CDH12: variants seen among roughly 807,000 people sequenced by gnomAD.
CDH12 encodes the protein cadherin 12, also known as cadherin-12.
CDH12 carries 41 observed loss-of-function variants against 74.1 expected under a neutral mutation model. That is an observed-to-expected ratio of 0.55 (90% CI 0.43 to 0.72). The LOEUF (loss-of-function observed/expected upper bound fraction) is 0.72, where lower values mean the gene tolerates loss of function less well. Among genes scored for constraint, CDH12 ranks in the 30% least tolerant of loss-of-function variants. The probability of loss-of-function intolerance (pLI) is 0.00; values close to 1 mark genes in which losing one functional copy is unlikely to be tolerated. For synonymous variants in CDH12, 399 were observed against 355.0 expected (o/e 1.12, Z -1.39); for missense variants, 945 against 977.2 (o/e 0.97, Z 0.44).
At chr5:21,948,947 AGAAGATGACTGC>A (rs1256029268) in intron 6 of CDH12, among the ~76,000 whole-genome samples, 1 of 151,526 alleles carries the variant, frequency 6.6e-6, no homozygotes, top group Non-Finnish European at 1.5e-5. Context: ...TGTCTTGTGA[AGAAGATGACTGC>A]TTCCCATTTC....
intron 2 of CDH12, among the ~76,000 whole-genome samples, chr5:22,480,451 G>T (rs1746342389): frequency 6.6e-6 from 1 of 151,906 alleles, no homozygotes; most frequent in South Asian, 2.1e-4. Flanking sequence ...AGACATGGTG[G>T]TGCATGCCTG....
At chr5:22,295,357 T>G (rs943307609) in intron 3 of CDH12, among the ~76,000 whole-genome samples, 5 of 152,198 alleles carry the variant, frequency 3.3e-5, no homozygotes, top group South Asian at 2.1e-4. Context: ...ACTTTAGAAT[T>G]GATAAATTTA....
Position 21,865,165 on chromosome 5 carries a change from C to A in CDH12, c.527-10375G>T, listed in dbSNP as rs185281864. 1.5e-3 allele frequency among the ~76,000 whole-genome samples: 235 copies of A among 152,292 alleles called. 1 individual carries two copies. Among genetic ancestry groups the A allele is most frequent in the African/African-American group, 5.3e-3 (221 of 41,576 alleles). Reference sequence around the variant, plus strand: ...CTAAGATACTCAGCAGAAGAAATATCTAAGCACCACAGCATTTAGTGTGCT... The same window carrying A: ...CTAAGATACTCAGCAGAAGAAATATATAAGCACCACAGCATTTAGTGTGCT... On this transcript the variant is annotated intron_variant, in intron 6 of 14. Coordinates refer to ENST00000382254, the MANE Select transcript of CDH12 (RefSeq NM_004061.5).
chr5:22,736,266 C>T (rs1744714513), intron 1 of CDH12, among the ~76,000 whole-genome samples: 1 of 151,646 alleles, frequency 6.6e-6, no homozygotes, highest in Non-Finnish European at 1.5e-5. Context: ...ATAACTTCCT[C>T]CAGTTAGATA....
chr5:22,609,458 C>T (rs1246027630), intron 1 of CDH12, among the ~76,000 whole-genome samples: 1 of 152,138 alleles, frequency 6.6e-6, no homozygotes, highest in Non-Finnish European at 1.5e-5. Flanking sequence ...CTAAGAATAG[C>T]TATTATGTCT....
intron 1 of CDH12, among the ~76,000 whole-genome samples, chr5:22,732,018 A>T (rs1168852897): frequency 6.6e-6 from 1 of 151,892 alleles, no homozygotes; most frequent in Admixed American, 6.6e-5. Context: ...TGTTTCTCCC[A>T]AACTTCGTAT....
At chr5:22,539,080 T>C (rs1314575065) in intron 1 of CDH12, among the ~76,000 whole-genome samples, 1 of 152,160 alleles carries the variant, frequency 6.6e-6, no homozygotes, top group Admixed American at 6.5e-5. Context: ...TTAATAATAT[T>C]ACAATGCAAA....
At chr5:22,646,076 A>T (rs1739418775) in intron 1 of CDH12, among the ~76,000 whole-genome samples, 1 of 151,844 alleles carries the variant, frequency 6.6e-6, no homozygotes, top group Admixed American at 6.6e-5. Flanking sequence ...CAAACTAAAA[A>T]AGACTCCTGG....
At chr5:22,355,094 G>A (rs1441008262) in intron 3 of CDH12, among the ~76,000 whole-genome samples, 1 of 151,988 alleles carries the variant, frequency 6.6e-6, no homozygotes, top group East Asian at 1.9e-4. Context: ...ATTTATAGTG[G>A]GGCATTCATT....
chr5:21,758,280 G>A (rs1156641821), intron 13 of CDH12, among the ~76,000 whole-genome samples: 4 of 152,058 alleles, frequency 2.6e-5, no homozygotes, highest in Non-Finnish European at 5.9e-5. Flanking sequence ...TTGGACTGCT[G>A]TTTGTCTTAT....
chr5:22,082,611 T>C (rs1742817551), intron 4 of CDH12, among the ~76,000 whole-genome samples: 1 of 152,236 alleles, frequency 6.6e-6, no homozygotes, highest in Non-Finnish European at 1.5e-5. Context: ...GGACTGCAGT[T>C]GATCACCGGT....
In CDH12 at chr5:21,833,157, ATATATAT is replaced by A. The variant is rs1232499335; in HGVS notation, c.814+8997_814+9003del. Among the ~76,000 whole-genome samples the A allele has an allele frequency of 3.6e-5, 2 of 55,108 alleles. 1 individual carries two copies. The highest frequency in any genetic ancestry group is 5.4e-5 in the Non-Finnish European group (2 of 37,038). 36.2% of individuals were successfully genotyped at this position (55,108 alleles called of 152,430 possible). A position where few individuals can be genotyped will look rare whatever the true frequency, so the allele number is the denominator to read the frequency against. On this transcript the variant is annotated intron_variant, in intron 8 of 14. Transcript: ENST00000382254. ...ATAAATATATATTATATAACATATA[ATATATAT>A]TATATTATAAATATATATTATATAA...
chr5:22,615,951 A>AT (rs1429796851), intron 1 of CDH12, among the ~76,000 whole-genome samples: 3 of 152,144 alleles, frequency 2.0e-5, no homozygotes, highest in African/African-American at 7.2e-5. Context: ...CTATCACCCT[A>AT]TATATTATTT....
At chr5:22,590,403 TA>T (rs1355739629) in intron 1 of CDH12, among the ~76,000 whole-genome samples, 1 of 152,124 alleles carries the variant, frequency 6.6e-6, no homozygotes, top group Non-Finnish European at 1.5e-5. Context: ...ATCCTATGAT[TA>T]AAAAAACATG....
chr5:21,832,925 T>G (rs1749143482), intron 8 of CDH12, among the ~76,000 whole-genome samples: 1 of 69,932 alleles, frequency 1.4e-5, no homozygotes, highest in Admixed American at 2.2e-4. Flanking sequence ...TATTAATATA[T>G]ATCATATATT....
chr5:22,101,854 G>A (rs1744155312), intron 4 of CDH12, among the ~76,000 whole-genome samples: 1 of 152,106 alleles, frequency 6.6e-6, no homozygotes. Flanking sequence ...AGACCAAATT[G>A]TACACATTTT....
At chr5:22,583,808 T>C (rs897630542) in intron 1 of CDH12, among the ~76,000 whole-genome samples, 2 of 152,154 alleles carry the variant, frequency 1.3e-5, no homozygotes, top group Middle Eastern at 3.2e-3. Context: ...TCAATAAAGA[T>C]AATATAGTGT....
intron 4 of CDH12, among the ~76,000 whole-genome samples, chr5:22,189,817 G>GA (rs1750163819): frequency 2.0e-5 from 3 of 148,684 alleles, no homozygotes; most frequent in African/African-American, 7.4e-5. Context: ...GCATCCAGGG[G>GA]ATAACAGATG....
chr5:21,813,064 A>G (rs1437862497), intron 9 of CDH12, among the ~76,000 whole-genome samples: 1 of 152,178 alleles, frequency 6.6e-6, no homozygotes, highest in Non-Finnish European at 1.5e-5. Context: ...TTGCTGTACC[A>G]TCACGTTCCA....
Sources: gnomAD v4.1 joint callset for allele counts (sites outside exome capture counted in the v4.1 genomes callset) on GRCh38, gnomAD v4.1.1 for gene constraint, MANE v1.5 for transcripts, NCBI Gene and HGNC (gene_info 2026-07-23, HGNC 2026-07-21) for gene names.